The following ATOSA variants were observed in gnomAD, a reference collection of about 807,000 sequenced individuals.
ATOSA encodes atos homolog A, also known as atos homolog protein A.
the ATOSA span, among the ~76,000 whole-genome samples, chr15:52,607,209 T>C: frequency 6.6e-6 from 1 of 152,170 alleles, no homozygotes; most frequent in East Asian, 1.9e-4. Flanking sequence ...TCAGGTGTTT[T>C]GACCAGTAAC....
the ATOSA span, among the ~76,000 whole-genome samples, chr15:52,703,618 A>G: frequency 2.6e-5 from 4 of 152,024 alleles, no homozygotes; most frequent in Non-Finnish European, 5.9e-5. Context: ...CTGAAAATAC[A>G]TATGCACAAG....
At chr15:52,683,142 A>G in the ATOSA span, among the ~76,000 whole-genome samples, 1 of 152,218 alleles carries the variant, frequency 6.6e-6, no homozygotes, top group African/African-American at 2.4e-5. Flanking sequence ...CCGACCCACC[A>G]AGACTTAATG....
the ATOSA span, among the ~76,000 whole-genome samples, chr15:52,703,394 A>G: frequency 6.6e-6 from 1 of 152,208 alleles, no homozygotes; most frequent in Admixed American, 6.5e-5. Context: ...GATCAATTTC[A>G]TTCATAATAA....
the ATOSA span, among the ~76,000 whole-genome samples, chr15:52,640,394 C>A: frequency 2.0e-5 from 3 of 151,004 alleles, no homozygotes; most frequent in Admixed American, 6.6e-5. Flanking sequence ...GGTGAAAACC[C>A]GACTCTACTA....
the ATOSA span, among the ~76,000 whole-genome samples, chr15:52,619,793 T>A: frequency 1.3e-5 from 2 of 150,670 alleles, no homozygotes; most frequent in Non-Finnish European, 3.0e-5. Flanking sequence ...ATTGCACCAC[T>A]GCACTCCAGC....
the ATOSA span, among the ~76,000 whole-genome samples, chr15:52,705,549 T>G: frequency 6.6e-5 from 10 of 152,026 alleles, no homozygotes; most frequent in Admixed American, 3.9e-4. Flanking sequence ...AAAAAAACTT[T>G]GTGGTTGAAA....
At chr15:52,679,787 TCCTCCTCC>T in the ATOSA span, among the ~76,000 whole-genome samples, 1 of 14,812 alleles carries the variant, frequency 6.8e-5, no homozygotes, top group Non-Finnish European at 1.6e-4. Flanking sequence ...CTCCTCCTCC[TCCTCCTCC>T]CCCCTCCCCC....
the ATOSA span, chr15:52,652,166 A>C: frequency 2.1e-6 from 2 of 939,780 alleles, no homozygotes. Flanking sequence ...TCTACTTGGC[A>C]GCACTGTCAT....
At chr15:52,697,805 C>A in the ATOSA span, among the ~76,000 whole-genome samples, 1 of 151,568 alleles carries the variant, frequency 6.6e-6, no homozygotes, top group African/African-American at 2.4e-5. Context: ...GATAGATATC[C>A]AAGTGGTCAA....
chr15:52,649,739 C>T, the ATOSA span: 1 of 152,050 alleles, frequency 6.6e-6, no homozygotes, highest in Non-Finnish European at 1.5e-5. Context: ...CTGAAATATG[C>T]TAGCAATGTT....
At chr15:52,597,666 GA>G in the ATOSA span, among the ~76,000 whole-genome samples, 1 of 152,180 alleles carries the variant, frequency 6.6e-6, no homozygotes, top group Non-Finnish European at 1.5e-5. Flanking sequence ...TGAACTGAAT[GA>G]AGAAAATCAC....
the ATOSA span, among the ~76,000 whole-genome samples, chr15:52,671,232 C>T: frequency 7.2e-5 from 11 of 152,016 alleles, no homozygotes; most frequent in Non-Finnish European, 1.0e-4. Flanking sequence ...AGAAATATAA[C>T]CTTTATTTAA....
the ATOSA span, among the ~76,000 whole-genome samples, chr15:52,672,851 G>A: frequency 6.6e-6 from 1 of 152,096 alleles, no homozygotes; most frequent in African/African-American, 2.4e-5. Flanking sequence ...TGGATGACAG[G>A]CAAAAACATA....
At chr15:52,683,295 C>A in the ATOSA span, among the ~76,000 whole-genome samples, 1 of 152,196 alleles carries the variant, frequency 6.6e-6, no homozygotes, top group Non-Finnish European at 1.5e-5. Flanking sequence ...TTTCCCAAAG[C>A]TATATTTAAT....
chr15:52,633,928 A>G, the ATOSA span, among the ~76,000 whole-genome samples: 1 of 152,192 alleles, frequency 6.6e-6, no homozygotes, highest in Non-Finnish European at 1.5e-5. Flanking sequence ...TAACAATAGC[A>G]TAAAGGCCCA....
chr15:52,683,156 T>A, the ATOSA span, among the ~76,000 whole-genome samples: 1 of 152,324 alleles, frequency 6.6e-6, no homozygotes, highest in Non-Finnish European at 1.5e-5. Flanking sequence ...CTTAATGTCT[T>A]TTTAAAGAAT....
At chr15:52,658,710 A>G in the ATOSA span, 1 of 378,344 alleles carries the variant, frequency 2.6e-6, no homozygotes, top group Non-Finnish European at 4.6e-6. Flanking sequence ...TCATGCTTGT[A>G]ATTCCAGACT....
the ATOSA span, among the ~76,000 whole-genome samples, chr15:52,649,235 A>G: frequency 6.6e-6 from 1 of 152,188 alleles, no homozygotes; most frequent in African/African-American, 2.4e-5. Context: ...TATTTCTTAG[A>G]TTCAAACTAT....
the ATOSA span, among the ~76,000 whole-genome samples, chr15:52,680,235 T>C: frequency 6.6e-6 from 1 of 152,072 alleles, no homozygotes; most frequent in East Asian, 1.9e-4. Flanking sequence ...GAATCTGCTG[T>C]ACTTAAAAAA....
Sources: gnomAD v4.1 joint callset for allele counts (sites outside exome capture counted in the v4.1 genomes callset) on GRCh38, gnomAD v4.1.1 for gene constraint, MANE v1.5 for transcripts, NCBI Gene and HGNC (gene_info 2026-07-23, HGNC 2026-07-21) for gene names.